Variants in UCP2 observed in about 807,000 individuals in gnomAD.
UCP2 encodes the protein uncoupling protein 2.
A neutral mutation model predicts 31.3 loss-of-function variants in UCP2; 27 were observed. The observed-to-expected ratio is 0.86, with a 90% CI of 0.64 to 1.19. UCP2 has a LOEUF of 1.19. Ranked by LOEUF, UCP2 falls within the 50% of genes most tolerant of loss-of-function variation. The pLI is 0.00. For missense variants in UCP2, 377 were observed against 413.5 expected, an observed-to-expected ratio of 0.91 and a Z score of 0.76; for synonymous variants, 142 against 157.4, an observed-to-expected ratio of 0.90 and a Z score of 0.73.
intron 3 of UCP2, 69 bp downstream of exon 3, chr11:73,978,184 G>A (rs749401120): frequency 5.0e-6 from 8 of 1,613,760 alleles, no homozygotes; most frequent in Non-Finnish European, 5.9e-6. Context: ...ACTGGCCCTT[G>A]AGGGGTCTGT....
chr11:73,979,729 G>T (rs548600336), intron 2 of UCP2, among the ~76,000 whole-genome samples: 1 of 151,642 alleles, frequency 6.6e-6, no homozygotes, highest in Admixed American at 6.6e-5. Flanking sequence ...TACTTGGGAC[G>T]ATTGCTTGAG....
At chr11:73,979,803 G>A (rs1435978149) in intron 2 of UCP2, 1 of 150,602 alleles carries the variant, frequency 6.6e-6, no homozygotes, top group African/African-American at 2.5e-5. Context: ...GGGTGAGAGA[G>A]TGAGACCTTG....
intron 4 of UCP2, among the ~76,000 whole-genome samples, 200 bp from the exon 5 acceptor site, chr11:73,977,217 G>T (rs1951365895): frequency 6.6e-6 from 1 of 152,222 alleles, no homozygotes; most frequent in South Asian, 2.1e-4. Flanking sequence ...CTTCTTGCTA[G>T]GGACATAGCA....
chr11:73,976,130 C>T (rs1199356041), intron 6 of UCP2, among the ~76,000 whole-genome samples: 1 of 152,086 alleles, frequency 6.6e-6, no homozygotes, highest in Non-Finnish European at 1.5e-5. Context: ...ATTGGGAGGC[C>T]AAGGTGGGCA....
chr11:73,974,778 G>A lies in UCP2; in HGVS notation c.*229C>T. 2.8e-6 allele frequency: 1 copy of A among 359,864 alleles called. No homozygotes were observed. Among genetic ancestry groups the A allele is most frequent in the South Asian group, 2.8e-5 (1 of 35,148 alleles). 22.3% of individuals were successfully genotyped at this position (359,864 alleles called of 1,614,324 possible). A position where few individuals can be genotyped will look rare whatever the true frequency, so the allele number is the denominator to read the frequency against. On this transcript the variant is annotated 3_prime_UTR_variant, in exon 8 of 8. Coordinates refer to ENST00000663595, the MANE Select transcript of UCP2 (RefSeq NM_003355.3). The stretch of plus-strand genomic sequence containing the variant: ...CAAGGGACGGGACGCTTGGGATCCT[G>A]GCTGGTACGAGGCCTCCCACACTGT...
Position 73,975,039 on chromosome 11 carries a change from C to T in UCP2, c.898G>A (p.Ala300Thr). ...TYEQLKRALM[A>T]ACTSREAPF ...GGAGCCTCTCGGGAAGTGCAGGCAGCCATGAGGGCTCGTTTCAGCTGCTCA... is the reference window on the plus strand; with the variant it reads ...GGAGCCTCTCGGGAAGTGCAGGCAGTCATGAGGGCTCGTTTCAGCTGCTCA... Residue 300 changes from alanine to threonine, a missense_variant, in exon 8 of 8, where the codon GCT (alanine) becomes ACT (threonine). By Grantham distance (58) the Ala-to-Thr change is moderately conservative. Transcript: ENST00000663595. The T allele has an allele frequency of 1.2e-6, 2 of 1,613,282 alleles. No homozygotes were observed. The highest frequency in any genetic ancestry group is 1.7e-6 in the Non-Finnish European group (2 of 1,179,620).
In UCP2 at chr11:73,975,021, C is replaced by G. The variant is rs955479287; in HGVS notation, c.916G>C (p.Glu306Gln). 1.4e-5 allele frequency: 23 copies of G among 1,612,438 alleles called. 1 individual carries two copies. The East Asian group carries it at 4.9e-4, about 34-fold the overall frequency. ...RALMAACTSR[E>Q]APF The stretch of plus-strand genomic sequence containing the variant: ...GCAGGAGAGGCTCAGAAGGGAGCCT[C>G]TCGGGAAGTGCAGGCAGCCATGAGG... Residue 306 changes from glutamate to glutamine, a missense_variant, in exon 8 of 8, where the codon GAG becomes CAG. Glu to Gln is a conservative substitution (Grantham distance 29). Transcript: ENST00000663595.
At chr11:73,977,215 T>C (rs931291603) in intron 4 of UCP2, among the ~76,000 whole-genome samples, 198 bp from the exon 5 acceptor site, 1 of 152,246 alleles carries the variant, frequency 6.6e-6, no homozygotes, top group Non-Finnish European at 1.5e-5. Flanking sequence ...TACTTCTTGC[T>C]AGGGACATAG....
At chr11:73,978,794 G>A (rs192105487) in intron 2 of UCP2, 93 of 310,002 alleles carry the variant, frequency 3.0e-4, no homozygotes, top group Non-Finnish European at 5.5e-4. Context: ...AGATTTCACT[G>A]ATGATGCCCA....
chr11:73,975,626 C>T lies in UCP2; in HGVS notation c.680G>A (p.Cys227Tyr), dbSNP rs1421505322. 14 of 1,614,206 alleles carry T rather than the reference C, an allele frequency of 8.7e-6. No individual in the cohort carries two copies. The highest frequency in any genetic ancestry group is 1.1e-5 in the Non-Finnish European group (13 of 1,180,036). Residue 227 changes from cysteine to tyrosine, a missense_variant, in exon 7 of 8, where the codon TGC becomes TAC. Coordinates refer to ENST00000663595, the MANE Select transcript of UCP2 (RefSeq NM_003355.3). Reference protein sequence around the residue: ...HFTSAFGAGFCTTVIASPVDV... With the variant: ...HFTSAFGAGFYTTVIASPVDV... Reference sequence around the variant, plus strand: ...TACAGGGGAGGCGATGACAGTGGTGCAGAAGCCTGCCCCAAAGGCAGAAGT... The same window carrying T: ...TACAGGGGAGGCGATGACAGTGGTGTAGAAGCCTGCCCCAAAGGCAGAAGT...
At chr11:73,980,463 T>C (rs1388485671) in intron 2 of UCP2, among the ~76,000 whole-genome samples, 1 of 152,206 alleles carries the variant, frequency 6.6e-6, no homozygotes, top group Non-Finnish European at 1.5e-5. Context: ...CGAGGCTCAG[T>C]GAAGACTGGT....
intron 6 of UCP2, among the ~76,000 whole-genome samples, chr11:73,975,885 A>G (rs1301620380): frequency 6.6e-6 from 1 of 151,888 alleles, no homozygotes; most frequent in Non-Finnish European, 1.5e-5. Context: ...GTAACATGGC[A>G]AAAACCCTGT....
chr11:73,981,183 C>T (rs1322618146), intron 2 of UCP2: 2 of 152,190 alleles, frequency 1.3e-5, no homozygotes, highest in Admixed American at 6.5e-5. Flanking sequence ...CAATAGGTTC[C>T]TGTCCTAGCT....
chr11:73,977,082 C>G (rs1405531422), intron 4 of UCP2, 65 bp from the exon 5 acceptor site: 9 of 1,488,836 alleles, frequency 6.0e-6, no homozygotes, highest in Non-Finnish European at 8.1e-6. Context: ...CATCTCTCCT[C>G]ACCAAAACCA....
At chr11:73,982,161 G>A (rs986546263) in intron 1 of UCP2, among the ~76,000 whole-genome samples, 23 of 152,246 alleles carry the variant, frequency 1.5e-4, no homozygotes, top group Non-Finnish European at 2.8e-4. Context: ...ATCCAAGGCA[G>A]GGCTCGGCAT....
At chr11:73,978,523 C>A (rs530724848) in intron 2 of UCP2, 46 bp from the exon 3 acceptor site, 32 of 1,209,038 alleles carry the variant, frequency 2.6e-5, no homozygotes, top group Admixed American at 1.2e-4. Context: ...TGTCCCCAGG[C>A]CCTCCCTGCT....
In UCP2 at chr11:73,975,503, G is replaced by C. The variant is rs45490393; in HGVS notation, c.803C>G (p.Ala268Gly). ...LTMLQKEGPR[A>G]FYKGFMPSFL... is the part of the protein sequence containing the mutation. ...ACCAGAGGCTCACCCTTTGTAGAAG[G>C]CTCGGGGCCCCTCCTTCTGGAGCAT... Residue 268 changes from alanine (A) to glycine (G), a missense_variant, in exon 7 of 8, where the codon GCC becomes GGC. Transcript: ENST00000663595. 5.8e-4 allele frequency: 934 copies of C among 1,610,672 alleles called. 3 individuals are homozygous for C. In the African/African-American group the frequency reaches 8.9e-3, roughly 15 times the overall value.
At chr11:73,979,938 T>C (rs900542263) in intron 2 of UCP2, 1 of 152,194 alleles carries the variant, frequency 6.6e-6, no homozygotes, top group Non-Finnish European at 1.5e-5. Context: ...TGGCCTACCA[T>C]GTGATGCAGA....
At chr11:73,981,071 C>T (rs780285036) in intron 2 of UCP2, 12 of 152,164 alleles carry the variant, frequency 7.9e-5, no homozygotes, top group Non-Finnish European at 1.3e-4. Context: ...AATAGTTAAT[C>T]CTATTTTACA....
Sources: gnomAD v4.1 joint callset for allele counts (sites outside exome capture counted in the v4.1 genomes callset) on GRCh38, gnomAD v4.1.1 for gene constraint, MANE v1.5 for transcripts, NCBI Gene and HGNC (gene_info 2026-07-23, HGNC 2026-07-21) for gene names.